The following KIAA0753 variants were observed in gnomAD, a reference collection of about 807,000 sequenced individuals.
KIAA0753 encodes the protein protein moonraker.
In KIAA0753, 114 loss-of-function variants were observed where a neutral mutation model predicts 116.9. The ratio of observed to expected loss-of-function variants is 0.98; its 90% confidence interval spans 0.84 to 1.14. KIAA0753 has a LOEUF of 1.14. KIAA0753 is among the 50% of genes most tolerant of loss of function. The pLI, the probability that KIAA0753 is intolerant of heterozygous loss-of-function variation, is 0.00. For synonymous variants in KIAA0753, 405 were observed against 413.1 expected (o/e 0.98, Z 0.24); for missense variants, 1,156 against 1,172.4 (o/e 0.99, Z 0.20).
intron 16 of KIAA0753, among the ~76,000 whole-genome samples, chr17:6,591,047 GAAGAAGAAGAAGAAGAAGAA>G (rs201841153): frequency 0.044 from 4,377 of 99,260 alleles, 194 homozygotes; most frequent in Non-Finnish European, 0.054. Flanking sequence ...GAAGGAAGAA[GAAGAAGAAGAAGAAGAAGAA>G]GAAGAAGAAG....
At chr17:6,635,812 C>G (rs910650806) in intron 1 of KIAA0753, 10 of 152,176 alleles carry the variant, frequency 6.6e-5, no homozygotes, top group Non-Finnish European at 1.0e-4. Flanking sequence ...TTGCCTTGCC[C>G]TATTCTGAAG....
At chr17:6,612,865 T>C (rs1186605514) in intron 7 of KIAA0753, among the ~76,000 whole-genome samples, 1 of 152,144 alleles carries the variant, frequency 6.6e-6, no homozygotes, top group Non-Finnish European at 1.5e-5. Context: ...CGAGGCTTCA[T>C]CTCAAAAATA....
chr17:6,628,415 G>C lies in KIAA0753; in HGVS notation c.420C>G (p.Pro140=). Reference sequence around the variant, plus strand: ...ATTCCTTCCTTTCCACCCTGTGGTCGGGTATTTTATACTTAGTATGTCCAC... The same window carrying C: ...ATTCCTTCCTTTCCACCCTGTGGTCCGGTATTTTATACTTAGTATGTCCAC... The part of the protein sequence containing the change: ...QKCGHTKYKI[P]DHRVERKESK... The change falls in exon 3 of 19, where the codon CCC becomes CCG. Residue 140 remains proline, a synonymous_variant. Coordinates refer to ENST00000361413, the MANE Select transcript of KIAA0753 (RefSeq NM_014804.3). 1 of 1,614,156 alleles carries C rather than the reference G, an allele frequency of 6.2e-7. No homozygotes were observed.
At chr17:6,587,470 G>A (rs968495983) in intron 18 of KIAA0753, among the ~76,000 whole-genome samples, 1 of 152,198 alleles carries the variant, frequency 6.6e-6, no homozygotes, top group African/African-American at 2.4e-5. Flanking sequence ...CAGGTGGTAA[G>A]AACACACAAG....
chr17:6,607,059 G>C (rs541635255), intron 11 of KIAA0753, 97 bp from the exon 12 acceptor site: 9 of 1,411,464 alleles, frequency 6.4e-6, no homozygotes, highest in Non-Finnish European at 9.0e-6. Context: ...CTTCTTAAGT[G>C]ACTTCAGTCT....
intron 12 of KIAA0753, among the ~76,000 whole-genome samples, chr17:6,606,456 G>T (rs12953046): frequency 0.2 from 29,877 of 152,104 alleles, 3,178 homozygotes; most frequent in East Asian, 0.38. Flanking sequence ...AAAGGGAACC[G>T]CATTTGAAAA....
chr17:6,579,903 C>T, intron 18 of KIAA0753, 39 bp from the exon 19 acceptor site: 2 of 1,505,686 alleles, frequency 1.3e-6, no homozygotes, highest in Non-Finnish European at 9.2e-7. Context: ...ATGTACAAGG[C>T]CAGGCGCGGT....
At position 6,610,186 on chromosome 17, in the gene KIAA0753, A is replaced by C. The variant is rs778371938; in HGVS notation, c.1546-26T>G. ...CTGTGAGAGATAAGTAAGAATTATA[A>C]GGCCACACAAATACCAAAGAAACTA... On this transcript the variant is annotated intron_variant, in intron 8 of 18. Coordinates refer to ENST00000361413, the MANE Select transcript of KIAA0753 (RefSeq NM_014804.3). 21 of 1,611,602 alleles carry C rather than the reference A, an allele frequency of 1.3e-5. No homozygotes were observed. In the East Asian group the frequency reaches 3.6e-4, roughly 27 times the overall value.
Position 6,639,007 on chromosome 17 carries a change from C to A in KIAA0753, c.-69+1630G>T. On this transcript the variant is annotated intron_variant, in intron 1 of 18. Transcript: ENST00000361413. The surrounding 1 kb of genome is among the most constrained non-coding windows in gnomAD (Gnocchi z 4.3). The stretch of plus-strand genomic sequence containing the variant: ...GCCTGTCTCCACCCACACAGGCTGT[C>A]CCCTTTCCCTGAACCCTGGGTCACC... The A allele has an allele frequency of 6.5e-6, 1 of 153,324 alleles. No homozygotes were observed. The highest frequency in any genetic ancestry group is 1.5e-5 in the Non-Finnish European group (1 of 68,936). 9.5% of individuals were successfully genotyped at this position (153,324 alleles called of 1,614,324 possible). A position where few individuals can be genotyped will look rare whatever the true frequency, so the allele number is the denominator to read the frequency against.
In KIAA0753 at chr17:6,607,270, C is replaced by T. The variant is rs1395613923; in HGVS notation, c.1830G>A (p.Arg610=). ...LTGAVEHEAA[R]LAWLDAETSK... is the part of the protein sequence containing the mutation. ...AAGTTTCAGCATCAAGCCAAGCGAG[C>T]CTAGCAGACAGTCAAAAGAGTCAAA... The change falls in exon 11 of 19, where the codon AGG becomes AGA. Residue 610 remains arginine, a splice_region_variant and synonymous_variant. Coordinates refer to ENST00000361413, the MANE Select transcript of KIAA0753 (RefSeq NM_014804.3). 3.1e-6 allele frequency: 5 copies of T among 1,613,752 alleles called. No homozygotes were observed. The highest frequency in any genetic ancestry group is 8.5e-7 in the Non-Finnish European group (1 of 1,179,856).
rs193191458 is a variant in KIAA0753, at chr17:6,582,047, C to A, written c.2787-2183G>T. 2.0e-5 allele frequency among the ~76,000 whole-genome samples: 3 copies of A among 152,322 alleles called. No individual in the cohort carries two copies. The East Asian group carries it at 5.8e-4, about 29-fold the overall frequency. ...TCTGCTTCTGGGCCTTCTCAGCAGA[C>A]AAACTAAGAAACACCCTGTATCTAT... On this transcript the variant is annotated intron_variant, in intron 18 of 18. Transcript: ENST00000361413.
chr17:6,631,806 T>C (rs1048761111), intron 2 of KIAA0753, among the ~76,000 whole-genome samples: 16 of 152,206 alleles, frequency 1.1e-4, no homozygotes. Context: ...CATTCTCCAC[T>C]GAAGAATCAA....
At chr17:6,634,885 AAC>A in intron 2 of KIAA0753, 124 bp downstream of exon 2, 1 of 673,602 alleles carries the variant, frequency 1.5e-6, no homozygotes, top group South Asian at 2.0e-5. Context: ...TAGGTAGAAA[AAC>A]AGAAAAAATT....
chr17:6,623,586 G>A lies in KIAA0753; in HGVS notation c.826-15C>T. The A allele has an allele frequency of 6.2e-7, 1 of 1,600,490 alleles. No individual in the cohort carries two copies. The highest frequency in any genetic ancestry group is 1.7e-5 in the Admixed American group (1 of 57,628). ...ATTTCTTTTACCTGTTTTGTAAAGGGGAAAAAAGAAAACTTCATACCTTTC... is the reference window on the plus strand; with the variant it reads ...ATTTCTTTTACCTGTTTTGTAAAGGAGAAAAAAGAAAACTTCATACCTTTC... On this transcript the variant is annotated splice_polypyrimidine_tract_variant and intron_variant, in intron 4 of 18. Coordinates refer to ENST00000361413, the MANE Select transcript of KIAA0753 (RefSeq NM_014804.3).
chr17:6,592,381 G>A (rs188375170), intron 16 of KIAA0753, among the ~76,000 whole-genome samples: 116 of 152,192 alleles, frequency 7.6e-4, no homozygotes, highest in Middle Eastern at 3.4e-3. Context: ...TAGTACTCAC[G>A]GCGCTTACAT....
chr17:6,600,421 C>G lies in KIAA0753; in HGVS notation c.2047G>C (p.Ala683Pro). ...ATHLADKVEE[A>P]VLDRLKPLLV... ...AGAGGCTTCAAACGATCCAGAACTG[C>G]CTCCTCTACCTTGTCTGCTAAGTGG... Residue 683 changes from alanine (A) to proline (P), a missense_variant, in exon 13 of 19, where the codon GCA becomes CCA. Ala to Pro is a conservative substitution (Grantham distance 27). Transcript: ENST00000361413. 6.2e-7 allele frequency: 1 copy of G among 1,613,904 alleles called. No homozygotes were observed. The highest frequency in any genetic ancestry group is 8.5e-7 in the Non-Finnish European group (1 of 1,179,832).
rs77092579 is a variant in KIAA0753 at position 6,582,944 on chromosome 17, C to T, written c.2787-3080G>A. 1.4e-3 allele frequency among the ~76,000 whole-genome samples: 220 copies of T among 152,346 alleles called. 3 individuals carry two copies. The highest frequency in any genetic ancestry group is 5.0e-3 in the African/African-American group (209 of 41,568). ...TTAAACGTGTGAGTACACATACACA[C>T]GCATCCATAAAACATCAGTATTGTT... On this transcript the variant is annotated intron_variant, in intron 18 of 18. Transcript: ENST00000361413.
At chr17:6,637,000 T>TC (rs1180935839) in intron 1 of KIAA0753, 1 of 152,204 alleles carries the variant, frequency 6.6e-6, no homozygotes, top group Non-Finnish European at 1.5e-5. Flanking sequence ...GGCTGTTTCT[T>TC]CCCCCAAAGA....
intron 1 of KIAA0753, chr17:6,635,983 T>C (rs1329361662): frequency 1.3e-5 from 2 of 152,240 alleles, no homozygotes; most frequent in African/African-American, 4.8e-5. Context: ...TATTTCCCAT[T>C]ACAAAGTGCT....
Sources: gnomAD v4.1 joint callset for allele counts (sites outside exome capture counted in the v4.1 genomes callset) on GRCh38, gnomAD v4.1.1 for gene constraint, Gnocchi (gnomAD v3.1) non-coding constraint, MANE v1.5 for transcripts, NCBI Gene and HGNC (gene_info 2026-07-23, HGNC 2026-07-21) for gene names.